SPMIP11: variants seen among roughly 807,000 people sequenced by gnomAD.
SPMIP11 encodes the protein long intergenic non-protein coding RNA 935.
chr12:48,751,776 T>C, the SPMIP11 span, among the ~76,000 whole-genome samples: 1 of 151,034 alleles, frequency 6.6e-6, no homozygotes, highest in African/African-American at 2.4e-5. Context: ...TAGAGACTTA[T>C]TGTGGAGAGG....
the SPMIP11 span, among the ~76,000 whole-genome samples, chr12:48,754,282 G>A: frequency 6.6e-6 from 1 of 152,000 alleles, no homozygotes; most frequent in Non-Finnish European, 1.5e-5. Context: ...GCACATGCCT[G>A]TAGTCTCAAC....
the SPMIP11 span, among the ~76,000 whole-genome samples, chr12:48,741,009 G>A: frequency 4.6e-5 from 7 of 151,212 alleles, no homozygotes; most frequent in South Asian, 4.2e-4. Context: ...TTTAGTGAGC[G>A]TGTCTCTTTA....
the SPMIP11 span, among the ~76,000 whole-genome samples, chr12:48,734,701 C>A: frequency 1.3e-5 from 2 of 151,982 alleles, no homozygotes; most frequent in African/African-American, 4.8e-5. Context: ...CACATAAACT[C>A]TTTAAAAGCA....
At chr12:48,771,309 G>A in the SPMIP11 span, 1 of 481,800 alleles carries the variant, frequency 2.1e-6, no homozygotes, top group South Asian at 2.2e-5. This position sits in a 1 kb window ranked among gnomAD's most constrained non-coding sequence, Gnocchi z 4.3. Flanking sequence ...ACAGTGAACA[G>A]CCCATTCCTG....
chr12:48,764,753 G>A, the SPMIP11 span: 1 of 634,654 alleles, frequency 1.6e-6, no homozygotes, highest in Non-Finnish European at 2.8e-6. Context: ...CGGCCAAGCA[G>A]TTGCTGGGCT....
the SPMIP11 span, among the ~76,000 whole-genome samples, chr12:48,753,687 T>C: frequency 6.8e-6 from 1 of 148,046 alleles, no homozygotes; most frequent in Non-Finnish European, 1.5e-5. Flanking sequence ...TTTACTTTTT[T>C]TTTTCTTTTT....
the SPMIP11 span, among the ~76,000 whole-genome samples, chr12:48,764,158 T>A: frequency 6.9e-6 from 1 of 145,342 alleles, no homozygotes; most frequent in Non-Finnish European, 1.5e-5. Context: ...AATTTTTGTA[T>A]TTTTTTTTTT....
chr12:48,741,349 C>G, the SPMIP11 span, among the ~76,000 whole-genome samples: 3 of 152,048 alleles, frequency 2.0e-5, no homozygotes, highest in Admixed American at 6.6e-5. Flanking sequence ...CCATGCCTGG[C>G]CAATACTGAC....
the SPMIP11 span, chr12:48,770,853 T>C: frequency 2.5e-6 from 4 of 1,614,204 alleles, no homozygotes; most frequent in Non-Finnish European, 3.4e-6. Flanking sequence ...GCCAGGGCAG[T>C]GATGTGGGAG....
the SPMIP11 span, chr12:48,765,851 T>A: frequency 1.7e-6 from 1 of 574,316 alleles, no homozygotes; most frequent in Non-Finnish European, 3.1e-6. Flanking sequence ...AGTGTCCAGA[T>A]TGTTGTGAGA....
chr12:48,759,625 G>A, the SPMIP11 span, among the ~76,000 whole-genome samples: 12 of 150,812 alleles, frequency 8.0e-5, no homozygotes, highest in South Asian at 2.1e-4. Flanking sequence ...AGCCAAGATC[G>A]TGCCACTGCA....
the SPMIP11 span, among the ~76,000 whole-genome samples, chr12:48,749,484 C>T: frequency 4.0e-5 from 6 of 150,112 alleles, no homozygotes; most frequent in East Asian, 2.0e-4. Context: ...AAAAATTAGC[C>T]GGGCATGGTG....
At chr12:48,730,131 A>G in the SPMIP11 span, among the ~76,000 whole-genome samples, 1 of 152,128 alleles carries the variant, frequency 6.6e-6, no homozygotes, top group South Asian at 2.1e-4. Flanking sequence ...TGTCCTACCC[A>G]GTTAGCTACT....
chr12:48,741,664 T>TAC, the SPMIP11 span, among the ~76,000 whole-genome samples: 5 of 151,360 alleles, frequency 3.3e-5, no homozygotes. Flanking sequence ...TTTTTTTTTT[T>TAC]ACAAGGTGTC....
chr12:48,739,693 A>G, the SPMIP11 span, among the ~76,000 whole-genome samples: 50 of 152,262 alleles, frequency 3.3e-4, no homozygotes, highest in African/African-American at 1.2e-3. Flanking sequence ...GGGTGGTACT[A>G]TACGCTTTTA....
the SPMIP11 span, among the ~76,000 whole-genome samples, chr12:48,738,794 A>G: frequency 6.6e-6 from 1 of 151,992 alleles, no homozygotes; most frequent in African/African-American, 2.4e-5. Flanking sequence ...CACTTTTTCT[A>G]TTTGTTAGAA....
the SPMIP11 span, among the ~76,000 whole-genome samples, chr12:48,748,488 C>T: frequency 0.27 from 40,415 of 150,396 alleles, 6,193 homozygotes; most frequent in East Asian, 0.72. Context: ...AGTTTATACT[C>T]ACGGTCTAGA....
At chr12:48,764,188 C>T in the SPMIP11 span, among the ~76,000 whole-genome samples, 1 of 151,694 alleles carries the variant, frequency 6.6e-6, no homozygotes, top group Admixed American at 6.6e-5. Context: ...GGGGTTTCTC[C>T]ATGTTGGTCA....
the SPMIP11 span, among the ~76,000 whole-genome samples, chr12:48,744,333 G>A: frequency 6.6e-6 from 1 of 152,028 alleles, no homozygotes; most frequent in Non-Finnish European, 1.5e-5. Flanking sequence ...TTGAAACCAG[G>A]AGGTAGAGAT....
Sources: allele counts gnomAD v4.1 joint callset (sites outside exome capture counted in the v4.1 genomes callset), GRCh38; gene constraint gnomAD v4.1.1; non-coding constraint Gnocchi (gnomAD v3.1); transcripts MANE v1.5; gene names NCBI Gene and HGNC (gene_info 2026-07-23, HGNC 2026-07-21).